LRRC49: variants seen among roughly 807,000 people sequenced by gnomAD.
The protein encoded by LRRC49 is leucine-rich repeat-containing protein 49.
LRRC49 carries 50 observed loss-of-function variants against 83.3 expected under a neutral mutation model. That is an observed-to-expected ratio of 0.60 (90% CI 0.48 to 0.76). The LOEUF is 0.76. Among genes scored for constraint, LRRC49 ranks in the 30% least tolerant of loss-of-function variants. The pLI is 0.00. For missense variants in LRRC49, 704 were observed against 809.1 expected, an observed-to-expected ratio of 0.87 and a Z score of 1.58; for synonymous variants, 286 against 283.3, an observed-to-expected ratio of 1.01 and a Z score of -0.10.
rs566208390 is a variant in LRRC49 at position 70,966,877 on chromosome 15, C to T, written c.921+2945C>T. Among the ~76,000 whole-genome samples, 18 of 152,180 alleles carry T rather than the reference C, an allele frequency of 1.2e-4. 1 individual carries two copies. The South Asian group carries it at 3.7e-3, about 32-fold the overall frequency. On this transcript the variant is annotated intron_variant, in intron 9 of 15. Transcript: ENST00000260382. ...AGTTACTTGCAGTTGTCTGCAGAGG[C>T]AACCATGCAGCTGGATTACAGTGCA...
intron 1 of LRRC49, among the ~76,000 whole-genome samples, chr15:70,865,286 C>G (rs1471990664): frequency 1.3e-5 from 2 of 152,198 alleles, no homozygotes; most frequent in Non-Finnish European, 2.9e-5. Flanking sequence ...TTCTTATGCA[C>G]TCTACTGAAT....
chr15:70,892,491 C>A (rs2033623610), upstream of LRRC49: 2 of 1,527,898 alleles, frequency 1.3e-6, no homozygotes, highest in Non-Finnish European at 1.7e-6. Flanking sequence ...CTGCGCTGCT[C>A]CCCAGGAGCC....
chr15:71,036,968 T>A (rs1008500956), intron 14 of LRRC49, among the ~76,000 whole-genome samples: 1 of 152,180 alleles, frequency 6.6e-6, no homozygotes, highest in African/African-American at 2.4e-5. Context: ...TCATTGATGA[T>A]TAGTAGTTAT....
chr15:70,888,727 C>T (rs549629917), upstream of LRRC49, among the ~76,000 whole-genome samples: 3 of 152,182 alleles, frequency 2.0e-5, no homozygotes, highest in African/African-American at 4.8e-5. Context: ...AAAGGACTTC[C>T]AGGTAGAATC....
upstream of LRRC49, chr15:70,892,408 C>A: frequency 1.3e-6 from 2 of 1,539,990 alleles, no homozygotes; most frequent in Non-Finnish European, 1.7e-6. Flanking sequence ...TCCTTCCCTA[C>A]CTCTGGTCAC....
intron 1 of LRRC49, 151 bp from the exon 2 acceptor site, chr15:70,893,433 C>T (rs555097271): frequency 4.7e-6 from 3 of 643,470 alleles, no homozygotes; most frequent in Admixed American, 6.0e-5. Flanking sequence ...TTGTTTTCAG[C>T]AAATCCTCAG....
At chr15:70,949,372 C>T (rs947914528) in intron 8 of LRRC49, among the ~76,000 whole-genome samples, 22 of 152,178 alleles carry the variant, frequency 1.4e-4, no homozygotes, top group African/African-American at 5.1e-4. Flanking sequence ...CATACCGCAA[C>T]TTATTACATA....
chr15:71,034,187 C>T (rs752843003), intron 14 of LRRC49, among the ~76,000 whole-genome samples: 6 of 151,872 alleles, frequency 4.0e-5, no homozygotes, highest in Non-Finnish European at 8.8e-5. Context: ...AACAAATTTA[C>T]AAGAAAAAAA....
At chr15:71,006,382 G>A (rs979526926) in intron 11 of LRRC49, among the ~76,000 whole-genome samples, 3 of 152,062 alleles carry the variant, frequency 2.0e-5, no homozygotes, top group African/African-American at 7.2e-5. Context: ...GTTTGTTGAT[G>A]TTTTTGATAC....
chr15:70,895,241 C>T (rs1266037480), intron 2 of LRRC49, among the ~76,000 whole-genome samples: 1 of 152,010 alleles, frequency 6.6e-6, no homozygotes, highest in East Asian at 1.9e-4. Context: ...AGTCCTCCCA[C>T]CAGATAATTA....
chr15:70,866,052 A>G (rs1444721353), intron 1 of LRRC49, among the ~76,000 whole-genome samples: 1 of 152,118 alleles, frequency 6.6e-6, no homozygotes, highest in Non-Finnish European at 1.5e-5. Flanking sequence ...GAAGGCAGAG[A>G]CATGTATATC....
At chr15:70,894,198 A>G (rs2033722443) in intron 2 of LRRC49, among the ~76,000 whole-genome samples, 1 of 152,164 alleles carries the variant, frequency 6.6e-6, no homozygotes, top group Non-Finnish European at 1.5e-5. Context: ...ACCCAGTGAT[A>G]TTTACACATT....
intron 11 of LRRC49, among the ~76,000 whole-genome samples, chr15:70,986,603 T>A (rs2037628615): frequency 6.6e-6 from 1 of 151,228 alleles, no homozygotes. Flanking sequence ...GACTTCCTCT[T>A]TTCCTAATTG....
upstream of LRRC49, among the ~76,000 whole-genome samples, chr15:70,888,294 A>T (rs528076063): frequency 1.3e-5 from 2 of 152,324 alleles, no homozygotes; most frequent in Non-Finnish European, 2.9e-5. Flanking sequence ...GCTATATAAG[A>T]CACTGTGATA....
intron 14 of LRRC49, among the ~76,000 whole-genome samples, chr15:71,015,235 G>A (rs1255709061): frequency 1.3e-5 from 2 of 152,130 alleles, no homozygotes; most frequent in African/African-American, 2.4e-5. Flanking sequence ...TTAAAATAAT[G>A]AGATAACTTT....
In LRRC49 at chr15:71,018,727, C is replaced by T. The variant is rs920406502; in HGVS notation, c.1703+5814C>T. On this transcript the variant is annotated intron_variant, in intron 14 of 15. Transcript: ENST00000260382. ...GCCTACCTGGAGATAGTGTCAGATCCTACAGGTTGAAAGATCATTCCCACA... is the reference window on the plus strand; with the variant it reads ...GCCTACCTGGAGATAGTGTCAGATCTTACAGGTTGAAAGATCATTCCCACA... Among the ~76,000 whole-genome samples the T allele has an allele frequency of 3.9e-5, 6 of 152,080 alleles. No homozygotes were observed. In the East Asian group the frequency reaches 1.2e-3, roughly 29 times the overall value.
upstream of LRRC49, chr15:70,891,845 T>C (rs776405603): frequency 3.2e-6 from 5 of 1,585,530 alleles, no homozygotes; most frequent in South Asian, 4.6e-5. Context: ...TCTCTTTACC[T>C]GTGAAGCTGC....
chr15:71,028,231 A>G (rs1013038082), intron 14 of LRRC49, among the ~76,000 whole-genome samples: 1 of 152,142 alleles, frequency 6.6e-6, no homozygotes, highest in Non-Finnish European at 1.5e-5. Context: ...GGTTTTGTTT[A>G]TGTGATGGAT....
In LRRC49 at chr15:70,854,946, C is replaced by G. The variant is rs2032614811; in HGVS notation, c.-299+1477C>G. ...GGAGCTATTGAAATGTCAGGATGTT[C>G]TAAAACACTGCCACCTTTTCACGTG... On this transcript the variant is annotated intron_variant, in intron 1 of 16. Coordinates refer to the LRRC49 transcript ENST00000544974. Among the ~76,000 whole-genome samples, 5 of 152,284 alleles carry G rather than the reference C, an allele frequency of 3.3e-5. No individual in the cohort carries two copies. In the South Asian group the frequency reaches 8.3e-4, roughly 25 times the overall value.
Sources: allele counts gnomAD v4.1 joint callset (sites outside exome capture counted in the v4.1 genomes callset), GRCh38; gene constraint gnomAD v4.1.1; transcripts MANE v1.5; gene names NCBI Gene and HGNC (gene_info 2026-07-23, HGNC 2026-07-21).